EHMT1: variants seen among roughly 807,000 people sequenced by gnomAD.
EHMT1 encodes the protein euchromatic histone lysine methyltransferase 1.
In EHMT1, 15 loss-of-function variants were observed where a neutral mutation model predicts 147.2. The ratio of observed to expected loss-of-function variants is 0.10; its 90% CI spans 0.07 to 0.16. EHMT1 has a LOEUF of 0.16. Ranked by LOEUF, EHMT1 falls within the 10% of genes least tolerant of loss-of-function variation. The pLI is 1.00. For synonymous variants in EHMT1, 795 were observed against 709.6 expected, an observed-to-expected ratio of 1.12 and a Z score of -1.91; for missense variants, 1,587 against 1,772.4, an observed-to-expected ratio of 0.90 and a Z score of 1.88.
chr9:137,678,419 T>G (rs1941598899), intron 1 of EHMT1, among the ~76,000 whole-genome samples: 1 of 152,198 alleles, frequency 6.6e-6, no homozygotes, highest in Admixed American at 6.5e-5. Context: ...TTGAACTTTT[T>G]ATTGTGAAAT....
chr9:137,639,411 G>C (rs1324997730), intron 1 of EHMT1, among the ~76,000 whole-genome samples: 1 of 152,230 alleles, frequency 6.6e-6, no homozygotes, highest in South Asian at 2.1e-4. Flanking sequence ...ATTGAGAGTA[G>C]AGTATGAGAT....
chr9:137,712,059 C>T (rs1944786246), intron 2 of EHMT1, among the ~76,000 whole-genome samples: 1 of 152,202 alleles, frequency 6.6e-6, no homozygotes, highest in African/African-American at 2.4e-5. Flanking sequence ...GCCGGCCCTC[C>T]AGGGTTGCCC....
At chr9:137,716,360 T>TGTGGTGTCATGGTGGGGGAGGAAGTTGTG (rs1945264980) in intron 2 of EHMT1, among the ~76,000 whole-genome samples, 1 of 128,624 alleles carries the variant, frequency 7.8e-6, no homozygotes, top group African/African-American at 2.7e-5. Context: ...GGGAGGAAGT[T>TGTGGTGTCATGGTGGGGGAGGAAGTTGTG]GTGGTGTCAT....
chr9:137,743,859 C>T (rs377665858), intron 5 of EHMT1, 43 bp from the exon 6 acceptor site: 68 of 1,572,284 alleles, frequency 4.3e-5, no homozygotes, highest in African/African-American at 1.9e-4. Flanking sequence ...GTTCATGATG[C>T]GCACTGATCC....
At chr9:137,626,783 ATTTTT>A (rs1310956717) in intron 1 of EHMT1, among the ~76,000 whole-genome samples, 1 of 133,048 alleles carries the variant, frequency 7.5e-6, no homozygotes, top group Admixed American at 7.6e-5. Context: ...CTCTTGCAGA[ATTTTT>A]TTTTTTTTTT....
At chr9:137,659,448 T>C (rs937695675) in intron 1 of EHMT1, among the ~76,000 whole-genome samples, 25 of 152,084 alleles carry the variant, frequency 1.6e-4, no homozygotes, top group African/African-American at 5.6e-4. Flanking sequence ...TCTTGCTATG[T>C]TCCCCAGGCT....
chr9:137,689,163 G>A (rs990133002), intron 1 of EHMT1, among the ~76,000 whole-genome samples: 2 of 152,282 alleles, frequency 1.3e-5, no homozygotes, highest in African/African-American at 2.4e-5. Flanking sequence ...TACAAAAGAA[G>A]TCTCTATGTA....
At chr9:137,640,897 C>T (rs1844437514) in intron 1 of EHMT1, 1 of 156,504 alleles carries the variant, frequency 6.4e-6, no homozygotes. Flanking sequence ...AAAGAGACCT[C>T]AAGAACTGGG....
chr9:137,696,560 G>T (rs926929497), intron 1 of EHMT1, among the ~76,000 whole-genome samples: 1 of 152,196 alleles, frequency 6.6e-6, no homozygotes, highest in East Asian at 1.9e-4. Context: ...TGTTGATAGC[G>T]TGTAGGATAG....
intron 6 of EHMT1, chr9:137,747,945 A>G (rs1484823325): frequency 6.6e-6 from 1 of 152,008 alleles, no homozygotes; most frequent in East Asian, 1.9e-4. Flanking sequence ...CGTTCTTTCT[A>G]TAAATGGAAT....
At chr9:137,758,524 C>T (rs1178072919) in intron 9 of EHMT1, among the ~76,000 whole-genome samples, 2 of 152,172 alleles carry the variant, frequency 1.3e-5, no homozygotes, top group Admixed American at 6.5e-5. Context: ...AGAAGTTGTC[C>T]GTTCTCACAC....
At chr9:137,713,786 C>A (rs1588305892) in intron 2 of EHMT1, among the ~76,000 whole-genome samples, 1 of 151,632 alleles carries the variant, frequency 6.6e-6, no homozygotes, top group Non-Finnish European at 1.5e-5. Context: ...CCCATCTCTA[C>A]TAAAAATACA....
chr9:137,788,138 T>TG (rs1354788681), intron 15 of EHMT1: 1 of 1,101,134 alleles, frequency 9.1e-7, no homozygotes, highest in Non-Finnish European at 1.3e-6. Flanking sequence ...AGGGCAGGGG[T>TG]GGGGTGGTCA....
rs886063742 is a variant in EHMT1, at chr9:137,834,890, C to A, written c.3834C>A (p.Ala1278=). Residue 1278 remains alanine (A), a synonymous_variant, in exon 27 of 27, where the codon GCC becomes GCA. Coordinates refer to ENST00000460843, the MANE Select transcript of EHMT1 (RefSeq NM_024757.5). ...AALAQRQASA[A]QEAQEDGLPD... is the part of the protein sequence containing the mutation. ...TGGCCCAGCGTCAGGCCAGCGCGGC[C>A]CAGGAGGCCCAGGAGGACGGCTTGC... The A allele has an allele frequency of 1.1e-5, 17 of 1,604,022 alleles. No homozygotes were observed. In the South Asian group the frequency reaches 1.8e-4, roughly 17 times the overall value.
intron 1 of EHMT1, among the ~76,000 whole-genome samples, chr9:137,624,888 T>C (rs1219196875): frequency 6.6e-6 from 1 of 151,104 alleles, no homozygotes; most frequent in Non-Finnish European, 1.5e-5. Context: ...CATTCTTCTT[T>C]TTTTTTTTTT....
rs377302570 is a variant in EHMT1 at position 137,775,178 on chromosome 9, G to A, written c.1717G>A (p.Val573Met). ...CCCCTCCAACAAGGCCCCGCTCCTCGTGCTGTGTGAAGACCACCGGGGCCG... is the reference window on the plus strand; with the variant it reads ...CCCCTCCAACAAGGCCCCGCTCCTCATGCTGTGTGAAGACCACCGGGGCCG... ...MRPSNKAPLL[V>M]LCEDHRGRMV... Residue 573 changes from valine to methionine, a missense_variant, in exon 11 of 27, where the codon GTG becomes ATG. By Grantham distance (21) the Val-to-Met change is conservative (BLOSUM62 1). Around this residue, in one of 7 missense-constraint regions of EHMT1, gnomAD observed 124 missense variants for 197.8 expected, o/e 0.63. Transcript: ENST00000460843. The surrounding 1 kb of genome is among the most constrained non-coding windows in gnomAD (Gnocchi z 6.1). 3.7e-6 allele frequency: 6 copies of A among 1,613,876 alleles called. No homozygotes were observed. The highest frequency in any genetic ancestry group is 1.1e-5 in the South Asian group (1 of 91,076).
At chr9:137,802,581 T>C (rs1278513410) in intron 18 of EHMT1, 6 of 398,650 alleles carry the variant, frequency 1.5e-5, no homozygotes, top group African/African-American at 4.1e-5. Context: ...CTCTCAGAGC[T>C]TGAGAACGGC....
In EHMT1 at chr9:137,731,716, G is replaced by A. The variant is rs748685429; in HGVS notation, c.823+3187G>A. ...TCATTCTGCCCACTCGGCCCAGCAG[G>A]CTGTACTTGGCTCATGCTACCGGCC... On this transcript the variant is annotated intron_variant, in intron 4 of 26. Coordinates refer to ENST00000460843, the MANE Select transcript of EHMT1 (RefSeq NM_024757.5). This position sits in a 1 kb window ranked among gnomAD's most constrained non-coding sequence, Gnocchi z 4.3. Among the ~76,000 whole-genome samples the A allele has an allele frequency of 3.3e-5, 5 of 152,144 alleles. No homozygotes were observed. The highest frequency in any genetic ancestry group is 2.0e-4 in the Admixed American group (3 of 15,282).
At chr9:137,744,598 A>G (rs1180091306) in intron 6 of EHMT1, among the ~76,000 whole-genome samples, 1 of 152,214 alleles carries the variant, frequency 6.6e-6, no homozygotes, top group African/African-American at 2.4e-5. Flanking sequence ...GAATACAGCC[A>G]TGAGCCACGG....
Sources: allele counts gnomAD v4.1 joint callset (sites outside exome capture counted in the v4.1 genomes callset), GRCh38; gene constraint gnomAD v4.1.1; regional missense constraint gnomAD v4.1.1; non-coding constraint Gnocchi (gnomAD v3.1); transcripts MANE v1.5; gene names NCBI Gene and HGNC (gene_info 2026-07-23, HGNC 2026-07-21).